The following PTPRD variants were observed in gnomAD, a reference collection of about 807,000 sequenced individuals.
PTPRD encodes the protein receptor-type tyrosine-protein phosphatase delta.
Under a neutral mutation model 214.5 loss-of-function variants are expected in PTPRD, and 34 were observed. That is an observed-to-expected ratio of 0.16 (90% CI 0.12 to 0.21). The LOEUF is 0.21. Ranked by LOEUF, PTPRD falls within the 10% of genes least tolerant of loss-of-function variation. The probability of loss-of-function intolerance (pLI) is 1.00; values close to 1 mark genes in which losing one functional copy is unlikely to be tolerated. For missense variants in PTPRD, 2,545 were observed against 2,398.7 expected, an observed-to-expected ratio of 1.06 and a Z score of -1.27; for synonymous variants, 1,128 against 845.7, an observed-to-expected ratio of 1.33 and a Z score of -5.79.
At chr9:9,421,931 AAAAC>A (rs780819691) in intron 8 of PTPRD, among the ~76,000 whole-genome samples, 16 of 152,110 alleles carry the variant, frequency 1.1e-4, no homozygotes, top group Non-Finnish European at 1.5e-4. Flanking sequence ...TGGAGAATAA[AAAAC>A]AAACAAACAA....
chr9:9,519,832 T>C (rs1035513330), intron 8 of PTPRD, among the ~76,000 whole-genome samples: 2 of 152,070 alleles, frequency 1.3e-5, no homozygotes, highest in Non-Finnish European at 2.9e-5. Flanking sequence ...AAAGTTATCA[T>C]ATAAAACCGA....
At chr9:9,916,523 C>G (rs1301839981) in intron 5 of PTPRD, among the ~76,000 whole-genome samples, 1 of 151,016 alleles carries the variant, frequency 6.6e-6, no homozygotes, top group African/African-American at 2.4e-5. Context: ...AATCCTCTCT[C>G]TATATATATA....
At chr9:9,365,368 G>T (rs548435409) in intron 9 of PTPRD, among the ~76,000 whole-genome samples, 2 of 151,542 alleles carry the variant, frequency 1.3e-5, no homozygotes, top group Admixed American at 6.6e-5. Context: ...AGAGACTAAA[G>T]ATTATTTTTA....
chr9:10,031,488 G>A (rs754574985), intron 4 of PTPRD, among the ~76,000 whole-genome samples: 26 of 151,382 alleles, frequency 1.7e-4, no homozygotes, highest in Non-Finnish European at 2.1e-4. Context: ...TCCAGTGCTG[G>A]ATGCTTCCTG....
At chr9:8,688,409 A>T (rs13296441) in intron 12 of PTPRD, among the ~76,000 whole-genome samples, 1 of 152,020 alleles carries the variant, frequency 6.6e-6, no homozygotes, top group Non-Finnish European at 1.5e-5. Flanking sequence ...TACTAAAAAT[A>T]CCAAAATTAG....
At chr9:9,126,965 C>A (rs2099834835) in intron 10 of PTPRD, among the ~76,000 whole-genome samples, 1 of 151,876 alleles carries the variant, frequency 6.6e-6, no homozygotes, top group Non-Finnish European at 1.5e-5. Context: ...AGGATGCCAT[C>A]CCATCGCAGA....
At chr9:9,571,561 A>G (rs552247883) in intron 8 of PTPRD, among the ~76,000 whole-genome samples, 2 of 151,398 alleles carry the variant, frequency 1.3e-5, no homozygotes, top group East Asian at 1.9e-4. Flanking sequence ...TTCATATTGC[A>G]TACTTTTGGT....
intron 8 of PTPRD, among the ~76,000 whole-genome samples, chr9:9,532,955 G>C (rs2075799115): frequency 6.6e-6 from 1 of 152,218 alleles, no homozygotes; most frequent in Admixed American, 6.5e-5. Context: ...TCCTTCAGTT[G>C]TTTAATAGCC....
intron 9 of PTPRD, among the ~76,000 whole-genome samples, chr9:9,391,843 G>T (rs748058361): frequency 1.3e-5 from 2 of 152,096 alleles, no homozygotes; most frequent in Non-Finnish European, 2.9e-5. Context: ...TCTACACACC[G>T]TTTGTTCCTT....
intron 8 of PTPRD, among the ~76,000 whole-genome samples, chr9:9,479,212 C>A (rs1459712562): frequency 8.5e-5 from 4 of 47,040 alleles, no homozygotes; most frequent in African/African-American, 2.6e-4. Flanking sequence ...CATACACACA[C>A]ACGCCCCCCC....
intron 4 of PTPRD, among the ~76,000 whole-genome samples, chr9:9,952,741 G>T (rs1330479647): frequency 1.3e-5 from 2 of 152,110 alleles, no homozygotes; most frequent in African/African-American, 4.8e-5. Context: ...TAGAACTAGG[G>T]TTTAAACACT....
chr9:10,397,003 C>G (rs1445511692), intron 2 of PTPRD, among the ~76,000 whole-genome samples: 1 of 151,984 alleles, frequency 6.6e-6, no homozygotes, highest in Non-Finnish European at 1.5e-5. Context: ...TCTGGGGAAA[C>G]TACAGGCAGG....
chr9:9,731,645 G>A (rs113421040), intron 7 of PTPRD, among the ~76,000 whole-genome samples: 2,312 of 152,142 alleles, frequency 0.015, 60 homozygotes, highest in African/African-American at 0.052. Flanking sequence ...AAAAAAGGAT[G>A]AGTTCATGTC....
chr9:8,323,458 C>A (rs549860828), intron 44 of PTPRD, among the ~76,000 whole-genome samples: 1 of 152,178 alleles, frequency 6.6e-6, no homozygotes, highest in South Asian at 2.1e-4. Context: ...ATTCACCATT[C>A]TATATGCCAT....
intron 11 of PTPRD, among the ~76,000 whole-genome samples, chr9:8,964,079 G>A (rs1315863976): frequency 1.3e-5 from 2 of 151,526 alleles, no homozygotes; most frequent in Admixed American, 6.6e-5. Flanking sequence ...GAGTCATAGA[G>A]GAGTCCCTCC....
chr9:10,436,114 C>T (rs773374792), intron 2 of PTPRD, among the ~76,000 whole-genome samples: 1 of 151,684 alleles, frequency 6.6e-6, no homozygotes, highest in Non-Finnish European at 1.5e-5. Context: ...AAGAATAACA[C>T]CCTCAATAAA....
In PTPRD at chr9:9,952,689, T is replaced by C. The variant is rs1182103778; in HGVS notation, c.-471-14079A>G. 5.3e-5 allele frequency among the ~76,000 whole-genome samples: 8 copies of C among 152,046 alleles called. No homozygotes were observed. In the East Asian group the frequency reaches 1.4e-3, roughly 26 times the overall value. ...TTGCACCATTTTGCCAGGATAACTA[T>C]TCACTGGGGAAAGGTGAATGCCCAG... On this transcript the variant is annotated intron_variant, in intron 4 of 45. Transcript: ENST00000381196.
intron 45 of PTPRD, among the ~76,000 whole-genome samples, chr9:8,319,181 A>G (rs1056322945): frequency 4.6e-5 from 7 of 152,124 alleles, no homozygotes; most frequent in Admixed American, 2.0e-4. Flanking sequence ...AGGAACACAT[A>G]TAAGTTGTAT....
chr9:8,653,991 T>C (rs2096862540), intron 12 of PTPRD, among the ~76,000 whole-genome samples: 1 of 152,164 alleles, frequency 6.6e-6, no homozygotes, highest in Admixed American at 6.5e-5. Flanking sequence ...AAACAGGGCC[T>C]TTCACTACTG....
Sources: allele counts gnomAD v4.1 joint callset (sites outside exome capture counted in the v4.1 genomes callset), GRCh38; gene constraint gnomAD v4.1.1; transcripts MANE v1.5; gene names NCBI Gene and HGNC (gene_info 2026-07-23, HGNC 2026-07-21).